The following TENM2 variants were observed in gnomAD, a reference collection of about 807,000 sequenced individuals.
TENM2 encodes the protein teneurin transmembrane protein 2, also known as teneurin-2.
Under a neutral mutation model 245.2 loss-of-function variants are expected in TENM2, and 52 were observed. The ratio of observed to expected loss-of-function variants is 0.21; its 90% CI spans 0.17 to 0.27. The LOEUF is 0.27. Among genes scored for constraint, TENM2 ranks in the 10% least tolerant of loss-of-function variants. TENM2 has a pLI of 1.00. For synonymous variants in TENM2, 1,363 were observed against 1,438.9 expected (o/e 0.95, Z 1.19); for missense variants, 3,046 against 3,666.8 (o/e 0.83, Z 4.37).
At chr5:167,505,331 G>C (rs1255773798) in intron 2 of TENM2, among the ~76,000 whole-genome samples, 2 of 152,104 alleles carry the variant, frequency 1.3e-5, no homozygotes, top group African/African-American at 4.8e-5. Flanking sequence ...AATATTCATG[G>C]TTATTATTCC....
chr5:168,124,376 T>G, intron 10 of TENM2, among the ~76,000 whole-genome samples: 1 of 152,234 alleles, frequency 6.6e-6, no homozygotes. Context: ...TTTTGTTACC[T>G]TTTGAAGTCA....
the TENM2 span, among the ~76,000 whole-genome samples, chr5:166,994,613 C>T: frequency 2.6e-5 from 4 of 152,148 alleles, no homozygotes; most frequent in African/African-American, 4.8e-5. Context: ...GTTGGCATGG[C>T]AGATTGCCAA....
At chr5:167,694,143 C>G (rs1320403979) in intron 2 of TENM2, among the ~76,000 whole-genome samples, 1 of 152,202 alleles carries the variant, frequency 6.6e-6, no homozygotes, top group African/African-American at 2.4e-5. Context: ...TCTATTCACT[C>G]TACCTCCTCT....
intron 27 of TENM2, among the ~76,000 whole-genome samples, chr5:168,249,416 G>A (rs1766892836): frequency 6.6e-6 from 1 of 151,538 alleles, no homozygotes; most frequent in Non-Finnish European, 1.5e-5. Context: ...AAGTTCTGGG[G>A]ATTCAATGGT....
chr5:167,502,850 C>A (rs1412867284), intron 2 of TENM2, among the ~76,000 whole-genome samples: 10 of 152,136 alleles, frequency 6.6e-5, no homozygotes, highest in Admixed American at 6.6e-4. Flanking sequence ...AAAATGTCTG[C>A]TAATTTTAAC....
At chr5:168,175,970 G>A (rs1231659359) in intron 13 of TENM2, among the ~76,000 whole-genome samples, 1 of 152,166 alleles carries the variant, frequency 6.6e-6, no homozygotes, top group Non-Finnish European at 1.5e-5. Context: ...TGCCAGGGAG[G>A]CCATTGCATA....
intron 2 of TENM2, among the ~76,000 whole-genome samples, chr5:167,775,347 TTTC>T (rs1433518038): frequency 6.6e-6 from 1 of 152,192 alleles, no homozygotes; most frequent in Non-Finnish European, 1.5e-5. Context: ...TCGGATGGAA[TTTC>T]TCTCTTAAGA....
chr5:168,103,590 T>C (rs990358875), intron 9 of TENM2, among the ~76,000 whole-genome samples: 1 of 152,136 alleles, frequency 6.6e-6, no homozygotes, highest in African/African-American at 2.4e-5. Context: ...TTTCCGGTGA[T>C]TGGATTGACG....
At chr5:167,620,600 A>G (rs538162106) in intron 2 of TENM2, among the ~76,000 whole-genome samples, 1 of 142,634 alleles carries the variant, frequency 7.0e-6, no homozygotes, top group South Asian at 2.2e-4. Context: ...TGTGCTATAC[A>G]AAAGCTGTCT....
At chr5:167,081,100 G>A in the TENM2 span, among the ~76,000 whole-genome samples, 1 of 151,594 alleles carries the variant, frequency 6.6e-6, no homozygotes, top group Non-Finnish European at 1.5e-5. Flanking sequence ...TACCAACAAT[G>A]TAGATATATT....
chr5:167,351,947 C>A (rs1380540118), intron 1 of TENM2, among the ~76,000 whole-genome samples: 1 of 152,010 alleles, frequency 6.6e-6, no homozygotes, highest in East Asian at 1.9e-4. Context: ...TCTTTAATAT[C>A]TCTCTCTCCT....
chr5:168,248,166 T>G, exon 27 of TENM2: 1 of 1,613,966 alleles, frequency 6.2e-7, no homozygotes, highest in Non-Finnish European at 8.5e-7. Flanking sequence ...AGATGGTCAT[T>G]GGCTTCCATG....
At chr5:167,491,436 A>C (rs1417081669) in intron 2 of TENM2, among the ~76,000 whole-genome samples, 1 of 152,088 alleles carries the variant, frequency 6.6e-6, no homozygotes, top group African/African-American at 2.4e-5. Context: ...TTCCATCTGT[A>C]ACAGAAAATT....
chr5:167,435,402 G>A (rs979920240), intron 2 of TENM2, among the ~76,000 whole-genome samples: 1 of 152,136 alleles, frequency 6.6e-6, no homozygotes, highest in Non-Finnish European at 1.5e-5. Flanking sequence ...GGAGAAACCC[G>A]TTTTGCTTGA....
At chr5:167,351,347 A>C (rs987642662) in intron 1 of TENM2, among the ~76,000 whole-genome samples, 9 of 152,144 alleles carry the variant, frequency 5.9e-5, no homozygotes, top group African/African-American at 1.9e-4. Flanking sequence ...CACCATCTTG[A>C]AGCCACACTT....
At chr5:167,165,288 T>G in the TENM2 span, 1 of 152,208 alleles carries the variant, frequency 6.6e-6, no homozygotes, top group Non-Finnish European at 1.5e-5. Flanking sequence ...ATCAGAGTCG[T>G]GCAGTGACCC....
At chr5:167,094,470 T>C in the TENM2 span, among the ~76,000 whole-genome samples, 1 of 152,210 alleles carries the variant, frequency 6.6e-6, no homozygotes, top group Admixed American at 6.5e-5. Flanking sequence ...CCCATGTTGT[T>C]GTGTGAATCA....
chr5:167,385,877 TG>T (rs1761404855), intron 2 of TENM2, among the ~76,000 whole-genome samples: 1 of 151,304 alleles, frequency 6.6e-6, no homozygotes, highest in African/African-American at 2.4e-5. Flanking sequence ...TGTGTGTGTG[TG>T]TGTGTGTGTG....
At chr5:167,835,720 T>TA (rs374900386) in intron 2 of TENM2, among the ~76,000 whole-genome samples, 68 of 146,640 alleles carry the variant, frequency 4.6e-4, no homozygotes, top group East Asian at 1.2e-3. Context: ...ATATAGTAAC[T>TA]AAAAAAAAAA....
Sources: gnomAD v4.1 joint callset for allele counts (sites outside exome capture counted in the v4.1 genomes callset) on GRCh38, gnomAD v4.1.1 for gene constraint, MANE v1.5 for transcripts, NCBI Gene and HGNC (gene_info 2026-07-23, HGNC 2026-07-21) for gene names.